Variants in SPIDR observed in about 807,000 individuals in gnomAD.
The protein encoded by SPIDR is scaffold protein involved in DNA repair.
SPIDR carries 93 observed loss-of-function variants against 104.6 expected under a neutral mutation model. That is an observed-to-expected ratio of 0.89 (90% confidence interval 0.75 to 1.06). The LOEUF is 1.06. Among genes scored for constraint, SPIDR ranks in the 50% least tolerant of loss-of-function variants. The pLI, the probability that SPIDR is intolerant of heterozygous loss-of-function variation, is 0.00. For missense variants in SPIDR, 1,154 were observed against 1,111.2 expected (o/e 1.04, Z -0.55); for synonymous variants, 431 against 416.9 (o/e 1.03, Z -0.41).
intron 10 of SPIDR, 80 bp downstream of exon 10, chr8:47,599,276 A>C: frequency 1.4e-5 from 21 of 1,550,066 alleles, no homozygotes; most frequent in Non-Finnish European, 1.8e-5. Flanking sequence ...GCCTCTTCTC[A>C]GAGCACGTTC....
chr8:47,305,239 C>G (rs1360310857), intron 5 of SPIDR, among the ~76,000 whole-genome samples: 2 of 152,128 alleles, frequency 1.3e-5, no homozygotes, highest in African/African-American at 2.4e-5. Flanking sequence ...TTATGTCATT[C>G]TTATATACTT....
At chr8:47,532,680 A>G (rs1192473455) in intron 8 of SPIDR, among the ~76,000 whole-genome samples, 1 of 152,246 alleles carries the variant, frequency 6.6e-6, no homozygotes, top group Non-Finnish European at 1.5e-5. Flanking sequence ...CAAAACCACT[A>G]TTACAGCTGG....
At chr8:47,690,433 A>G (rs1448140220) in intron 11 of SPIDR, among the ~76,000 whole-genome samples, 1 of 150,128 alleles carries the variant, frequency 6.7e-6, no homozygotes, top group African/African-American at 2.4e-5. Flanking sequence ...GATTAGGAGG[A>G]TTTTTTCTTT....
intron 8 of SPIDR, among the ~76,000 whole-genome samples, chr8:47,531,002 C>T (rs4873435): frequency 6.6e-6 from 1 of 152,080 alleles, no homozygotes; most frequent in African/African-American, 2.4e-5. Context: ...CCTCAAACTC[C>T]TGGGCACAAG....
At chr8:47,645,470 A>G (rs1402922486) in intron 10 of SPIDR, among the ~76,000 whole-genome samples, 4 of 152,128 alleles carry the variant, frequency 2.6e-5, no homozygotes. Flanking sequence ...ACCAAGCTGA[A>G]GGAGTCAAAT....
At chr8:47,296,992 C>G (rs1382330479) in intron 5 of SPIDR, among the ~76,000 whole-genome samples, 1 of 152,194 alleles carries the variant, frequency 6.6e-6, no homozygotes, top group African/African-American at 2.4e-5. Context: ...CTCGATGCTA[C>G]TGTAAACGGG....
chr8:47,573,354 G>A (rs1014123949), intron 8 of SPIDR, among the ~76,000 whole-genome samples: 2 of 152,214 alleles, frequency 1.3e-5, no homozygotes, highest in African/African-American at 4.8e-5. Flanking sequence ...TGACTTCTCT[G>A]TAGCCACACA....
chr8:47,730,882 T>C (rs2085093646), intron 19 of SPIDR, among the ~76,000 whole-genome samples: 2 of 152,162 alleles, frequency 1.3e-5, no homozygotes, highest in South Asian at 2.1e-4. Context: ...TTGGATTAAA[T>C]TGGAACATGG....
intron 8 of SPIDR, among the ~76,000 whole-genome samples, chr8:47,519,525 C>G (rs774656973): frequency 1.3e-5 from 2 of 152,070 alleles, no homozygotes; most frequent in Non-Finnish European, 2.9e-5. Context: ...GCCTGTAATC[C>G]GAACACTTTT....
intron 8 of SPIDR, among the ~76,000 whole-genome samples, chr8:47,515,025 A>C (rs1172917786): frequency 2.6e-5 from 4 of 152,324 alleles, no homozygotes; most frequent in African/African-American, 9.6e-5. Flanking sequence ...TTTAAAGTTC[A>C]GCAAAAGGAA....
intron 16 of SPIDR, among the ~76,000 whole-genome samples, chr8:47,724,103 G>A (rs951944982): frequency 2.0e-5 from 3 of 151,218 alleles, no homozygotes; most frequent in African/African-American, 4.9e-5. Flanking sequence ...CTCATATCTC[G>A]CCATTTTCAT....
intron 8 of SPIDR, among the ~76,000 whole-genome samples, chr8:47,491,850 T>TA (rs1159695494): frequency 4.0e-5 from 6 of 151,836 alleles, no homozygotes; most frequent in African/African-American, 1.5e-4. Flanking sequence ...CCCTGTCTCT[T>TA]AAAAAAAAGA....
At chr8:47,652,761 T>C (rs1285379476) in intron 10 of SPIDR, among the ~76,000 whole-genome samples, 1 of 152,162 alleles carries the variant, frequency 6.6e-6, no homozygotes, top group Non-Finnish European at 1.5e-5. Context: ...TTTTTTTATT[T>C]GGTAGGGTCA....
intron 8 of SPIDR, among the ~76,000 whole-genome samples, chr8:47,498,537 A>C (rs935902395): frequency 1.3e-5 from 2 of 152,172 alleles, no homozygotes; most frequent in African/African-American, 4.8e-5. Flanking sequence ...CTTCCCAGAT[A>C]GTCTCTAGGA....
At chr8:47,545,151 C>T (rs1174335835) in intron 8 of SPIDR, among the ~76,000 whole-genome samples, 5 of 137,656 alleles carry the variant, frequency 3.6e-5, no homozygotes, top group African/African-American at 1.4e-4. Context: ...AACGGAGTCT[C>T]ACTGTCTCGC....
At chr8:47,703,833 G>C (rs1021029894) in intron 14 of SPIDR, among the ~76,000 whole-genome samples, 4 of 152,150 alleles carry the variant, frequency 2.6e-5, no homozygotes, top group African/African-American at 9.7e-5. Context: ...AGTGTCTCCT[G>C]GTGTCCCGTA....
At chr8:47,511,106 CTTTG>C in intron 8 of SPIDR, 1 of 1,451,622 alleles carries the variant, frequency 6.9e-7, no homozygotes, top group East Asian at 2.3e-5. Flanking sequence ...TCAGCCAGCT[CTTTG>C]TTTGGGAAAG....
chr8:47,364,633 T>C (rs1187349615), intron 5 of SPIDR, among the ~76,000 whole-genome samples: 5 of 152,208 alleles, frequency 3.3e-5, no homozygotes, highest in Non-Finnish European at 5.9e-5. Flanking sequence ...CCAATGTTCA[T>C]TTGGTTTCTT....
rs1288965311 is a variant in SPIDR at position 47,527,258 on chromosome 8, A to G, written c.1098-68553A>G. On this transcript the variant is annotated intron_variant, in intron 8 of 19. Transcript: ENST00000297423. ...ACCAATTGGAGTTTTATTGGAGCCC[A>G]GTTAACTTGGGGGGAAGGAAAAACG... is the stretch of plus-strand genomic sequence containing the variant. 2.0e-5 allele frequency: 3 copies of G among 152,132 alleles called. No homozygotes were observed. In the East Asian group the frequency reaches 5.8e-4, roughly 29 times the overall value. 9.4% of individuals were successfully genotyped at this position (152,132 alleles called of 1,614,324 possible). A position where few individuals can be genotyped will look rare whatever the true frequency, so the allele number is the denominator to read the frequency against.
Sources: allele counts gnomAD v4.1 joint callset (sites outside exome capture counted in the v4.1 genomes callset), GRCh38; gene constraint gnomAD v4.1.1; transcripts MANE v1.5; gene names NCBI Gene and HGNC (gene_info 2026-07-23, HGNC 2026-07-21).